The following HS6ST3 variants were observed in gnomAD, a reference collection of about 807,000 sequenced individuals.
HS6ST3 encodes heparan-sulfate 6-O-sulfotransferase 3.
Under a neutral mutation model 36.7 loss-of-function variants are expected in HS6ST3, and 12 were observed. The ratio of observed to expected loss-of-function variants is 0.33; its 90% confidence interval spans 0.21 to 0.53. The LOEUF is 0.53. Among genes scored for constraint, HS6ST3 ranks in the 20% least tolerant of loss-of-function variants. HS6ST3 has a pLI of 0.95. For synonymous variants in HS6ST3, 240 were observed against 257.5 expected (o/e 0.93, Z 0.65); for missense variants, 584 against 640.9 (o/e 0.91, Z 0.96).
chr13:96,706,413 T>TATATATATATATATA (rs1555319827), intron 1 of HS6ST3, among the ~76,000 whole-genome samples: 1 of 121,058 alleles, frequency 8.3e-6, no homozygotes, highest in African/African-American at 3.5e-5. Context: ...AGAATATATT[T>TATATATATATATATA]TATATATATA....
chr13:96,360,966 CAGG>C (rs1174216834), intron 1 of HS6ST3, among the ~76,000 whole-genome samples: 1 of 144,812 alleles, frequency 6.9e-6, no homozygotes, highest in Non-Finnish European at 1.5e-5. Flanking sequence ...AAAAAAAATG[CAGG>C]AGGAGGCAAA....
intron 1 of HS6ST3, among the ~76,000 whole-genome samples, chr13:96,126,797 G>C (rs1413908498): frequency 6.6e-6 from 1 of 152,130 alleles, no homozygotes; most frequent in African/African-American, 2.4e-5. Context: ...CAAATGTTCA[G>C]CCTGTTGCCA....
At chr13:96,451,586 C>A (rs1344489626) in intron 1 of HS6ST3, among the ~76,000 whole-genome samples, 1 of 152,144 alleles carries the variant, frequency 6.6e-6, no homozygotes, top group South Asian at 2.1e-4. Flanking sequence ...TTATGCATGT[C>A]TAAAAATGAT....
chr13:96,731,942 T>C (rs1466295583), intron 1 of HS6ST3, among the ~76,000 whole-genome samples: 1 of 152,146 alleles, frequency 6.6e-6, no homozygotes, highest in African/African-American at 2.4e-5. Context: ...AGGCATAATC[T>C]ACCACACAGA....
intron 1 of HS6ST3, among the ~76,000 whole-genome samples, chr13:96,725,251 TACATATTTTAG>T (rs1875973730): frequency 6.6e-6 from 1 of 152,228 alleles, no homozygotes; most frequent in South Asian, 2.1e-4. Flanking sequence ...GAGAGTTTTT[TACATATTTTAG>T]ACACAAATCT....
At chr13:96,773,746 G>A (rs574552611) in intron 1 of HS6ST3, among the ~76,000 whole-genome samples, 14 of 152,298 alleles carry the variant, frequency 9.2e-5, no homozygotes, top group African/African-American at 2.6e-4. Context: ...AGCTGTGGGC[G>A]CAGCTTCAGC....
At chr13:96,656,828 T>A (rs1032399311) in intron 1 of HS6ST3, among the ~76,000 whole-genome samples, 3 of 152,122 alleles carry the variant, frequency 2.0e-5, no homozygotes, top group African/African-American at 7.2e-5. Context: ...ACTGACTGGA[T>A]TGACGGAATT....
intron 1 of HS6ST3, among the ~76,000 whole-genome samples, chr13:96,804,425 C>T (rs2138530446): frequency 6.6e-6 from 1 of 152,232 alleles, no homozygotes; most frequent in African/African-American, 2.4e-5. Flanking sequence ...ATTCTGATTA[C>T]ACATGCAGAG....
At chr13:96,315,368 G>A (rs2054963232) in intron 1 of HS6ST3, among the ~76,000 whole-genome samples, 4 of 152,114 alleles carry the variant, frequency 2.6e-5, no homozygotes, top group African/African-American at 9.7e-5. Flanking sequence ...AAAAATAAAT[G>A]TAACACATTG....
intron 1 of HS6ST3, among the ~76,000 whole-genome samples, chr13:96,773,494 G>A (rs1289082505): frequency 2.6e-5 from 4 of 152,138 alleles, no homozygotes; most frequent in African/African-American, 9.7e-5. Flanking sequence ...GGTCCGGGGA[G>A]AGGCATCCAC....
At chr13:96,748,209 G>A (rs545983805) in intron 1 of HS6ST3, among the ~76,000 whole-genome samples, 3 of 152,108 alleles carry the variant, frequency 2.0e-5, no homozygotes, top group South Asian at 4.1e-4. Context: ...CAAAGCGCAC[G>A]TACAACTCCC....
chr13:96,392,975 A>G (rs934380019), intron 1 of HS6ST3, among the ~76,000 whole-genome samples: 2 of 152,158 alleles, frequency 1.3e-5, no homozygotes, highest in African/African-American at 4.8e-5. Context: ...CCTACCTGCT[A>G]TGGGAGGGAC....
chr13:96,485,960 C>A (rs142232232), intron 1 of HS6ST3, among the ~76,000 whole-genome samples: 1 of 151,880 alleles, frequency 6.6e-6, no homozygotes, highest in South Asian at 2.1e-4. Flanking sequence ...GTGTGCTGCA[C>A]CCGTTAACTC....
In HS6ST3 at chr13:96,238,563, C is replaced by T. The variant is rs574244507; in HGVS notation, c.707+146994C>T. ...AATTCAGAGAGGCATTCCTCAAGCT[C>T]GTAATTAAAATGAATTCTTTCTTCG... On this transcript the variant is annotated intron_variant, in intron 1 of 1. Transcript: ENST00000376705. Among the ~76,000 whole-genome samples, 84 of 152,176 alleles carry T rather than the reference C, an allele frequency of 5.5e-4. 2 individuals carry two copies. The highest frequency in any genetic ancestry group is 5.4e-4 in the Non-Finnish European group (37 of 68,024).
In HS6ST3 at chr13:96,695,744, A is replaced by C. The variant is rs532156713; in HGVS notation, c.708-136746A>C. ...GAGCCACCATACCCAGCCAGTATGT[A>C]CCCTTTGATATAGCAATTTCTCTTA... is the stretch of plus-strand genomic sequence containing the variant. On this transcript the variant is annotated intron_variant, in intron 1 of 1. Transcript: ENST00000376705. 1.0e-3 allele frequency among the ~76,000 whole-genome samples: 152 copies of C among 151,956 alleles called. 1 individual carries two copies. Among genetic ancestry groups the C allele is most frequent in the African/African-American group, 3.0e-3 (126 of 41,472 alleles).
intron 1 of HS6ST3, among the ~76,000 whole-genome samples, chr13:96,142,503 C>T (rs1279045309): frequency 1.3e-5 from 2 of 152,038 alleles, no homozygotes; most frequent in Admixed American, 1.3e-4. Context: ...CAGCTCTCCA[C>T]CAAAGTGTAA....
intron 1 of HS6ST3, among the ~76,000 whole-genome samples, chr13:96,677,538 G>T (rs928905544): frequency 4.6e-5 from 7 of 152,012 alleles, no homozygotes; most frequent in African/African-American, 1.7e-4. Flanking sequence ...GCATATATGT[G>T]TGTGTGTATA....
chr13:96,383,402 G>A (rs900363593), intron 1 of HS6ST3, among the ~76,000 whole-genome samples: 1 of 151,926 alleles, frequency 6.6e-6, no homozygotes, highest in African/African-American at 2.4e-5. Flanking sequence ...TGCAGATCAT[G>A]CCACTGTACT....
intron 1 of HS6ST3, among the ~76,000 whole-genome samples, chr13:96,491,472 C>CAAAAAAAAA (rs10632047): frequency 8.1e-6 from 1 of 123,724 alleles, no homozygotes; most frequent in Non-Finnish European, 1.6e-5. Flanking sequence ...TACTAATGTG[C>CAAAAAAAAA]AAAAAAAAAA....
Sources: gnomAD v4.1 joint callset for allele counts (sites outside exome capture counted in the v4.1 genomes callset) on GRCh38, gnomAD v4.1.1 for gene constraint, MANE v1.5 for transcripts, NCBI Gene and HGNC (gene_info 2026-07-23, HGNC 2026-07-21) for gene names.